RAB38: variants seen among roughly 807,000 people sequenced by gnomAD.
RAB38 encodes the protein RAB38, member RAS oncogene family.
RAB38 carries 15 observed loss-of-function variants against 18.4 expected under a neutral mutation model. The ratio of observed to expected loss-of-function variants is 0.82; its 90% CI spans 0.55 to 1.26. RAB38 has a LOEUF of 1.26. Among genes scored for constraint, RAB38 ranks in the 50% most tolerant of loss-of-function variants. RAB38 has a pLI of 0.00. For missense variants in RAB38, 294 were observed against 267.4 expected, an observed-to-expected ratio of 1.10 and a Z score of -0.69; for synonymous variants, 101 against 104.4, an observed-to-expected ratio of 0.97 and a Z score of 0.20.
At chr11:87,937,507 T>C in the RAB38 span, among the ~76,000 whole-genome samples, 10 of 151,778 alleles carry the variant, frequency 6.6e-5, no homozygotes, top group African/African-American at 2.2e-4. Flanking sequence ...CTGGAAGACA[T>C]TGTGTCAAAT....
At chr11:88,089,248 C>A in the RAB38 span, among the ~76,000 whole-genome samples, 2 of 151,656 alleles carry the variant, frequency 1.3e-5, no homozygotes, top group African/African-American at 4.8e-5. Context: ...CCTGAGGTGG[C>A]AGGGGGCTTA....
At chr11:87,946,516 A>C in the RAB38 span, among the ~76,000 whole-genome samples, 6 of 152,134 alleles carry the variant, frequency 3.9e-5, no homozygotes, top group Non-Finnish European at 8.8e-5. Flanking sequence ...CATTAGGCGT[A>C]TCTCCTAATG....
At chr11:87,955,320 CCATTA>C in the RAB38 span, among the ~76,000 whole-genome samples, 1 of 152,124 alleles carries the variant, frequency 6.6e-6, no homozygotes, top group African/African-American at 2.4e-5. Flanking sequence ...ATTTCAGTTC[CCATTA>C]CAAAATAAAA....
the RAB38 span, among the ~76,000 whole-genome samples, chr11:87,977,473 C>A: frequency 1.4e-4 from 6 of 41,754 alleles, no homozygotes; most frequent in Admixed American, 5.3e-4. Flanking sequence ...TTATATATTA[C>A]ATATATAATT....
chr11:87,953,686 A>G, the RAB38 span, among the ~76,000 whole-genome samples: 1 of 152,174 alleles, frequency 6.6e-6, no homozygotes, highest in Non-Finnish European at 1.5e-5. Context: ...AGGGTTCAGT[A>G]CTATCTGCGG....
chr11:87,925,300 T>C, the RAB38 span, among the ~76,000 whole-genome samples: 4 of 152,086 alleles, frequency 2.6e-5, no homozygotes, highest in South Asian at 4.1e-4. Context: ...AAGTTTCTCT[T>C]ATCACCTGCC....
the RAB38 span, among the ~76,000 whole-genome samples, chr11:88,049,910 C>T: frequency 1.3e-5 from 2 of 152,190 alleles, no homozygotes; most frequent in Admixed American, 6.5e-5. Context: ...AAGCAGTCAA[C>T]AGCTTTTTCA....
intron 2 of RAB38, among the ~76,000 whole-genome samples, chr11:88,141,166 C>A (rs1330211219): frequency 2.6e-5 from 4 of 152,086 alleles, no homozygotes; most frequent in Admixed American, 6.5e-5. Context: ...TCTGTCCCCA[C>A]CCCCTAGAAA....
At chr11:87,974,459 T>C in the RAB38 span, among the ~76,000 whole-genome samples, 1,596 of 151,936 alleles carry the variant, frequency 0.011, 9 homozygotes, top group Non-Finnish European at 0.016. Context: ...AATAAGACTT[T>C]TTAGAAAACA....
the RAB38 span, among the ~76,000 whole-genome samples, chr11:88,003,988 T>A: frequency 8.5e-6 from 1 of 118,172 alleles, no homozygotes; most frequent in Non-Finnish European, 1.8e-5. Context: ...TGCATATAGG[T>A]ATATATATAT....
At chr11:87,895,081 G>A in the RAB38 span, among the ~76,000 whole-genome samples, 1 of 151,562 alleles carries the variant, frequency 6.6e-6, no homozygotes, top group African/African-American at 2.4e-5. Flanking sequence ...CTTACTTGAA[G>A]ATCAGCTTGA....
intron 1 of RAB38, among the ~76,000 whole-genome samples, chr11:88,171,234 T>C (rs773103312): frequency 6.6e-6 from 1 of 152,156 alleles, no homozygotes; most frequent in Non-Finnish European, 1.5e-5. Flanking sequence ...TTGTTATTAT[T>C]CCCATTTTAC....
the RAB38 span, among the ~76,000 whole-genome samples, chr11:88,071,746 A>G: frequency 6.6e-6 from 1 of 152,212 alleles, no homozygotes; most frequent in African/African-American, 2.4e-5. Flanking sequence ...TGGAGAAAGA[A>G]TCCCTTTATG....
chr11:87,823,441 TGG>T, the RAB38 span, among the ~76,000 whole-genome samples: 1 of 152,132 alleles, frequency 6.6e-6, no homozygotes, highest in South Asian at 2.1e-4. Context: ...GAAAATTCAA[TGG>T]ATGTAGAACT....
the RAB38 span, among the ~76,000 whole-genome samples, chr11:87,954,317 G>C: frequency 5.3e-5 from 8 of 152,104 alleles, no homozygotes. Flanking sequence ...CCAGAACTTT[G>C]AGACTCATCA....
chr11:88,048,769 C>A, the RAB38 span, among the ~76,000 whole-genome samples: 1 of 152,144 alleles, frequency 6.6e-6, no homozygotes, highest in African/African-American at 2.4e-5. Flanking sequence ...TTTCTCCAAG[C>A]CTTCACAGCT....
At chr11:88,118,764 C>T (rs1942591163) in intron 2 of RAB38, among the ~76,000 whole-genome samples, 1 of 152,150 alleles carries the variant, frequency 6.6e-6, no homozygotes, top group South Asian at 2.1e-4. Flanking sequence ...TGCTCAGAAT[C>T]TTTCATTGGT....
the RAB38 span, among the ~76,000 whole-genome samples, chr11:88,011,965 C>T: frequency 1.3e-5 from 2 of 152,152 alleles, no homozygotes; most frequent in African/African-American, 4.8e-5. Flanking sequence ...CAGATTAAAG[C>T]TACCATGGGG....
the RAB38 span, among the ~76,000 whole-genome samples, chr11:88,102,125 G>A: frequency 6.6e-6 from 1 of 151,974 alleles, no homozygotes; most frequent in East Asian, 1.9e-4. Flanking sequence ...ACAAGAACCA[G>A]GATGTATGAC....
Sources: allele counts gnomAD v4.1 joint callset (sites outside exome capture counted in the v4.1 genomes callset), GRCh38; gene constraint gnomAD v4.1.1; transcripts MANE v1.5; gene names NCBI Gene and HGNC (gene_info 2026-07-23, HGNC 2026-07-21).